Variants in FSTL5 observed in about 807,000 individuals in gnomAD.
FSTL5 encodes the protein follistatin like 5.
Under a neutral mutation model 89.1 loss-of-function variants are expected in FSTL5, and 62 were observed. The ratio of observed to expected loss-of-function variants is 0.70; its 90% CI spans 0.57 to 0.86. The LOEUF (loss-of-function observed/expected upper bound fraction) is 0.86. FSTL5 is among the 40% of genes least tolerant of loss of function. The pLI is 0.00. For synonymous variants in FSTL5, 383 were observed against 346.2 expected (o/e 1.11, Z -1.18); for missense variants, 1,057 against 1,001.6 (o/e 1.06, Z -0.75).
At chr4:162,132,914 A>G (rs1415681673) in intron 1 of FSTL5, among the ~76,000 whole-genome samples, 1 of 152,216 alleles carries the variant, frequency 6.6e-6, no homozygotes, top group Non-Finnish European at 1.5e-5. Context: ...GAAATTTCAA[A>G]GTTAAGCAGA....
At chr4:162,000,552 C>T (rs1304803141) in intron 3 of FSTL5, among the ~76,000 whole-genome samples, 4 of 151,244 alleles carry the variant, frequency 2.6e-5, no homozygotes, top group African/African-American at 7.3e-5. Flanking sequence ...GAGCCGAGAT[C>T]GCCCCACGAT....
At chr4:162,105,317 A>G (rs1184452204) in intron 2 of FSTL5, among the ~76,000 whole-genome samples, 1 of 152,178 alleles carries the variant, frequency 6.6e-6, no homozygotes, top group Non-Finnish European at 1.5e-5. Flanking sequence ...TAGATATGCA[A>G]AACTTATTCA....
chr4:161,874,610 G>T, intron 4 of FSTL5, among the ~76,000 whole-genome samples: 1 of 131,638 alleles, frequency 7.6e-6, no homozygotes, highest in African/African-American at 2.7e-5. Context: ...TCTTCTCTCA[G>T]AATCTTTGAT....
intron 10 of FSTL5, among the ~76,000 whole-genome samples, chr4:161,510,860 T>C (rs1439342596): frequency 1.3e-5 from 2 of 151,876 alleles, no homozygotes; most frequent in African/African-American, 2.4e-5. Flanking sequence ...TAATATGAAA[T>C]ATTCCTGAAC....
chr4:161,595,877 T>C (rs1733996692), intron 7 of FSTL5, among the ~76,000 whole-genome samples: 1 of 151,922 alleles, frequency 6.6e-6, no homozygotes, highest in Non-Finnish European at 1.5e-5. Flanking sequence ...CTTATAGTTC[T>C]AAATTGTATG....
chr4:162,145,288 A>G (rs1226158924), intron 1 of FSTL5, among the ~76,000 whole-genome samples: 1 of 152,098 alleles, frequency 6.6e-6, no homozygotes, highest in African/African-American at 2.4e-5. Flanking sequence ...ATCAAAATGT[A>G]TATCTAAAAA....
At chr4:161,688,231 C>T (rs758712568) in intron 6 of FSTL5, among the ~76,000 whole-genome samples, 14 of 152,198 alleles carry the variant, frequency 9.2e-5, no homozygotes, top group Admixed American at 3.9e-4. Context: ...TACAGGTGAG[C>T]GCCTCCACAC....
intron 4 of FSTL5, among the ~76,000 whole-genome samples, chr4:161,815,620 CTTT>C (rs1460971992): frequency 6.6e-6 from 1 of 151,808 alleles, no homozygotes; most frequent in African/African-American, 2.4e-5. Context: ...TTAAGTGACC[CTTT>C]ATTCAGCTAC....
intron 13 of FSTL5, among the ~76,000 whole-genome samples, chr4:161,479,204 G>A (rs1356740289): frequency 2.0e-5 from 3 of 151,974 alleles, no homozygotes; most frequent in Admixed American, 6.6e-5. Context: ...TTAGCAATTT[G>A]TGAAGTCTTT....
chr4:161,901,218 T>C (rs1733353936), intron 4 of FSTL5, among the ~76,000 whole-genome samples: 1 of 150,958 alleles, frequency 6.6e-6, no homozygotes, highest in Admixed American at 6.6e-5. Context: ...CCTAAATTAC[T>C]AGTAACATTT....
intron 7 of FSTL5, among the ~76,000 whole-genome samples, chr4:161,618,775 C>T (rs1734991601): frequency 6.6e-6 from 1 of 152,074 alleles, no homozygotes; most frequent in East Asian, 1.9e-4. Flanking sequence ...GGATATTGGT[C>T]TAAAATTCAA....
intron 10 of FSTL5, among the ~76,000 whole-genome samples, chr4:161,525,534 A>G (rs944881115): frequency 2.6e-5 from 4 of 152,184 alleles, no homozygotes; most frequent in African/African-American, 4.8e-5. Flanking sequence ...TGTATGCATG[A>G]AATTAAATCA....
intron 4 of FSTL5, among the ~76,000 whole-genome samples, chr4:161,869,017 T>A (rs961369008): frequency 6.6e-6 from 1 of 151,530 alleles, no homozygotes; most frequent in Non-Finnish European, 1.5e-5. Context: ...AGGTCAGGAG[T>A]CCGAGACCAG....
At chr4:161,514,606 A>G (rs889981251) in intron 10 of FSTL5, among the ~76,000 whole-genome samples, 4 of 152,204 alleles carry the variant, frequency 2.6e-5, no homozygotes, top group African/African-American at 9.6e-5. Context: ...CCCTAAATCT[A>G]TAAAAGTGAA....
At chr4:161,782,737 A>ATATAAC (rs1415100040) in intron 4 of FSTL5, among the ~76,000 whole-genome samples, 1 of 152,184 alleles carries the variant, frequency 6.6e-6, no homozygotes, top group African/African-American at 2.4e-5. Context: ...GCTACTTAAG[A>ATATAAC]TATAACTTGT....
intron 2 of FSTL5, among the ~76,000 whole-genome samples, chr4:162,039,915 T>G (rs181446126): frequency 4.9e-4 from 74 of 152,194 alleles, no homozygotes; most frequent in African/African-American, 1.8e-3. Context: ...CAAAGTGTCC[T>G]TATGTATATA....
intron 6 of FSTL5, among the ~76,000 whole-genome samples, chr4:161,735,929 T>TA (rs950226133): frequency 4.0e-5 from 6 of 151,200 alleles, no homozygotes; most frequent in African/African-American, 7.3e-5. Flanking sequence ...AACAACTTTA[T>TA]AAAAAAAAGA....
chr4:162,119,387 C>A (rs1304512966), intron 1 of FSTL5, among the ~76,000 whole-genome samples: 2 of 152,158 alleles, frequency 1.3e-5, no homozygotes, highest in African/African-American at 4.8e-5. Flanking sequence ...AGTGAAGATA[C>A]AAGTTAAACA....
chr4:162,155,013 C>T (rs932656105), intron 1 of FSTL5, among the ~76,000 whole-genome samples: 2 of 152,102 alleles, frequency 1.3e-5, no homozygotes, highest in South Asian at 4.1e-4. Context: ...AAACTTCAAC[C>T]AGGTACAGTA....
Sources: gnomAD v4.1 joint callset for allele counts (sites outside exome capture counted in the v4.1 genomes callset) on GRCh38, gnomAD v4.1.1 for gene constraint, MANE v1.5 for transcripts, NCBI Gene and HGNC (gene_info 2026-07-23, HGNC 2026-07-21) for gene names.